The following IMPG2 variants were observed in gnomAD, a reference collection of about 807,000 sequenced individuals.
IMPG2 encodes interphotoreceptor matrix proteoglycan 2.
Under a neutral mutation model 129.2 loss-of-function variants are expected in IMPG2, and 91 were observed. That is an observed-to-expected ratio of 0.70 (90% confidence interval 0.59 to 0.84). The LOEUF is 0.84. Ranked by LOEUF, IMPG2 falls within the 40% of genes least tolerant of loss-of-function variation. IMPG2 has a pLI of 0.00. For synonymous variants in IMPG2, 510 were observed against 517.7 expected (o/e 0.99, Z 0.20); for missense variants, 1,430 against 1,461.7 (o/e 0.98, Z 0.35).
chr3:101,303,996 G>A lies in IMPG2; in HGVS notation c.501+150C>T, dbSNP rs561237796. 11 of 747,666 alleles carry A rather than the reference G, an allele frequency of 1.5e-5. No individual in the cohort carries two copies. In the East Asian group the frequency reaches 2.8e-4, roughly 19 times the overall value. The allele number at this position is 747,666 out of a possible 1,614,324, so 46.3% of individuals were successfully genotyped here. A position where few individuals can be genotyped will look rare whatever the true frequency, so the allele number is the denominator to read the frequency against. ...GGCCAGAGCTAGGAATAAAAGACTA[G>A]GCCACACCCTAGGGCAGCTTACTCA... On this transcript the variant is annotated intron_variant, in intron 3 of 18. Coordinates refer to ENST00000193391, the MANE Select transcript of IMPG2 (RefSeq NM_016247.4).
intron 3 of IMPG2, among the ~76,000 whole-genome samples, chr3:101,299,030 T>C (rs1437998597): frequency 6.6e-6 from 1 of 152,246 alleles, no homozygotes; most frequent in Non-Finnish European, 1.5e-5. Context: ...CTTTTTCAGG[T>C]ACTCCACTCA....
intron 15 of IMPG2, 31 bp from the exon 16 acceptor site, chr3:101,231,176 T>C: frequency 6.2e-7 from 1 of 1,603,724 alleles, no homozygotes; most frequent in Non-Finnish European, 8.5e-7. Context: ...GTCCGATATC[T>C]GAATCACTCT....
intron 7 of IMPG2, among the ~76,000 whole-genome samples, chr3:101,271,587 C>G (rs1008318106): frequency 3.9e-5 from 6 of 152,160 alleles, no homozygotes; most frequent in Non-Finnish European, 1.5e-5. Context: ...TGGCCAAGGT[C>G]ACACATTTGG....
In IMPG2 at chr3:101,260,873, C is replaced by A. The variant is rs114275884; in HGVS notation, c.909-3100G>T. 2.6e-3 allele frequency among the ~76,000 whole-genome samples: 403 copies of A among 152,234 alleles called. 1 individual carries two copies. Among genetic ancestry groups the A allele is most frequent in the Non-Finnish European group, 2.9e-3 (196 of 68,008 alleles). ...ATCTAGCACAATGCCTGGCTCATAG[C>A]AGTTCAATACATACTTGTGAAAATA... On this transcript the variant is annotated intron_variant, in intron 9 of 18. Transcript: ENST00000193391.
At chr3:101,257,865 A>AG (rs1202960906) in intron 9 of IMPG2, 92 bp from the exon 10 acceptor site, 1 of 1,418,660 alleles carries the variant, frequency 7.0e-7, no homozygotes, top group East Asian at 2.3e-5. Context: ...TTGGACCTAG[A>AG]GGGGGAGTCT....
chr3:101,319,857 T>C (rs758689233), intron 1 of IMPG2, 25 bp from the exon 2 acceptor site: 4 of 1,605,060 alleles, frequency 2.5e-6, no homozygotes, highest in East Asian at 4.5e-5. Context: ...TATAGTCAAG[T>C]CTTCGATAAT....
chr3:101,309,935 C>G (rs1231519490), intron 2 of IMPG2, among the ~76,000 whole-genome samples: 1 of 152,138 alleles, frequency 6.6e-6, no homozygotes, highest in Non-Finnish European at 1.5e-5. Flanking sequence ...AGAGCACATA[C>G]TATTCTATTT....
intron 1 of IMPG2, among the ~76,000 whole-genome samples, chr3:101,320,048 GTAAA>G (rs1486338160): frequency 6.6e-6 from 1 of 151,934 alleles, no homozygotes; most frequent in Non-Finnish European, 1.5e-5. Flanking sequence ...TCAAAATCAA[GTAAA>G]TACACATCCA....
At chr3:101,288,265 C>T (rs1293076174) in intron 4 of IMPG2, among the ~76,000 whole-genome samples, 12 of 152,096 alleles carry the variant, frequency 7.9e-5, no homozygotes, top group Non-Finnish European at 1.5e-5. Context: ...AAAAGAAATG[C>T]TTATATACTA....
At chr3:101,284,444 C>A (rs569911301) in intron 4 of IMPG2, among the ~76,000 whole-genome samples, 1 of 152,190 alleles carries the variant, frequency 6.6e-6, no homozygotes, top group East Asian at 1.9e-4. Context: ...GAGTAGAGAA[C>A]TTTCCAGTAA....
chr3:101,232,672 T>G (rs995643557), intron 15 of IMPG2, 109 bp downstream of exon 15: 1 of 907,238 alleles, frequency 1.1e-6, no homozygotes, highest in Admixed American at 2.1e-5. Context: ...TAGATATAAC[T>G]TCTATAATGC....
intron 10 of IMPG2, among the ~76,000 whole-genome samples, chr3:101,256,205 G>T (rs956039193): frequency 6.8e-6 from 1 of 146,034 alleles, no homozygotes; most frequent in Non-Finnish European, 1.5e-5. Context: ...AAGAAAGAAA[G>T]AAAGAAAGAA....
At chr3:101,310,951 A>C (rs1472164196) in intron 2 of IMPG2, among the ~76,000 whole-genome samples, 2 of 152,178 alleles carry the variant, frequency 1.3e-5, no homozygotes, top group African/African-American at 4.8e-5. Context: ...ACTCCATAGA[A>C]ATTCATTCTT....
rs2107200948 is a variant in IMPG2, at chr3:101,226,679, G to C, written c.*290C>G. 2.7e-6 allele frequency: 1 copy of C among 372,748 alleles called. No individual in the cohort carries two copies. The highest frequency in any genetic ancestry group is 4.8e-6 in the Non-Finnish European group (1 of 208,050). 23.1% of individuals were successfully genotyped at this position (372,748 alleles called of 1,614,324 possible). ...GATTCAGAAGCAGACAGCAACTGCA[G>C]CCCTAAATCCTAGGTCCAGCTTTTT... On this transcript the variant is annotated 3_prime_UTR_variant, in exon 19 of 19. Coordinates refer to ENST00000193391, the MANE Select transcript of IMPG2 (RefSeq NM_016247.4).
intron 11 of IMPG2, 120 bp downstream of exon 11, chr3:101,253,576 T>G: frequency 2.7e-6 from 2 of 744,152 alleles, no homozygotes; most frequent in Non-Finnish European, 4.8e-6. Context: ...CTAGGGATGA[T>G]GCAAGAGAAT....
At chr3:101,237,292 T>C (rs1004905119) in intron 14 of IMPG2, among the ~76,000 whole-genome samples, 20 of 152,142 alleles carry the variant, frequency 1.3e-4, no homozygotes, top group Non-Finnish European at 2.8e-4. Context: ...AGGCGCAGTT[T>C]CAGCAGACTT....
intron 14 of IMPG2, among the ~76,000 whole-genome samples, chr3:101,237,748 T>A (rs1418933218): frequency 6.6e-6 from 1 of 151,802 alleles, no homozygotes; most frequent in African/African-American, 2.4e-5. Flanking sequence ...GGTAAATAAA[T>A]CCCTGAAGAT....
At chr3:101,282,356 C>T (rs946226777) in intron 4 of IMPG2, among the ~76,000 whole-genome samples, 2 of 152,122 alleles carry the variant, frequency 1.3e-5, no homozygotes, top group East Asian at 1.9e-4. Context: ...CTCCCACAGT[C>T]GGCAGTCTCC....
At chr3:101,256,177 G>GAA (rs1371997052) in intron 10 of IMPG2, among the ~76,000 whole-genome samples, 1 of 140,096 alleles carries the variant, frequency 7.1e-6, no homozygotes, top group Non-Finnish European at 1.6e-5. Flanking sequence ...AAGAAAGAAA[G>GAA]AAAGAAAGAA....
Sources: allele counts gnomAD v4.1 joint callset (sites outside exome capture counted in the v4.1 genomes callset), GRCh38; gene constraint gnomAD v4.1.1; transcripts MANE v1.5; gene names NCBI Gene and HGNC (gene_info 2026-07-23, HGNC 2026-07-21).